The following CUL3 variants were observed in gnomAD, a reference collection of about 807,000 sequenced individuals.
CUL3 encodes cullin 3.
In CUL3, 19 loss-of-function variants were observed where a neutral mutation model predicts 89.1. The observed-to-expected ratio is 0.21, with a 90% CI of 0.15 to 0.31. The LOEUF is 0.31. Ranked by LOEUF, CUL3 falls within the 10% of genes least tolerant of loss-of-function variation. CUL3 has a pLI of 1.00. For missense variants in CUL3, 469 were observed against 942.3 expected (o/e 0.50, Z 6.58); for synonymous variants, 351 against 308.4 (o/e 1.14, Z -1.45).
rs1691221242 is a variant in CUL3, at chr2:224,473,948, A to G, written c.*297T>C. On this transcript the variant is annotated 3_prime_UTR_variant, in exon 16 of 16. Transcript: ENST00000264414. The stretch of plus-strand genomic sequence containing the variant: ...TTTATTGTAATGAGCTGTATTTTCT[A>G]AATTTCTCTTTTATTTTCCTGTTTT... 1 of 255,228 alleles carries G rather than the reference A, an allele frequency of 3.9e-6. No individual in the cohort carries two copies. The highest frequency in any genetic ancestry group is 2.2e-5 in the African/African-American group (1 of 45,904). 15.8% of individuals were successfully genotyped at this position (255,228 alleles called of 1,614,324 possible).
chr2:224,553,308 T>C (rs1490873100), intron 2 of CUL3, among the ~76,000 whole-genome samples: 2 of 152,190 alleles, frequency 1.3e-5, no homozygotes, highest in East Asian at 3.8e-4. Context: ...CATGCTGAAA[T>C]TGCTACATTT....
intron 3 of CUL3, among the ~76,000 whole-genome samples, chr2:224,531,988 A>G (rs768578139): frequency 1.3e-5 from 2 of 152,194 alleles, no homozygotes; most frequent in Non-Finnish European, 2.9e-5. Flanking sequence ...AAAACTGGAG[A>G]GTCTAGCAAC....
chr2:224,504,347 C>T (rs1016252374), intron 8 of CUL3: 1 of 152,084 alleles, frequency 6.6e-6, no homozygotes, highest in African/African-American at 2.4e-5. Flanking sequence ...GAGTTTCACT[C>T]GTTGCCCAGG....
At chr2:224,491,162 TA>T (rs1050440087) in intron 13 of CUL3, among the ~76,000 whole-genome samples, 16 of 152,176 alleles carry the variant, frequency 1.1e-4, no homozygotes, top group African/African-American at 3.6e-4. Flanking sequence ...GAGTTTTATT[TA>T]AAAATATATA....
At chr2:224,527,772 C>T (rs747349633) in intron 3 of CUL3, among the ~76,000 whole-genome samples, 3 of 152,112 alleles carry the variant, frequency 2.0e-5, no homozygotes, top group Non-Finnish European at 4.4e-5. Context: ...ATCCCAAATA[C>T]GTAATACTTC....
chr2:224,557,591 T>A (rs2106303632), intron 2 of CUL3, 68 bp downstream of exon 2: 1 of 1,104,040 alleles, frequency 9.1e-7, no homozygotes, highest in Non-Finnish European at 1.3e-6. Context: ...CCGGTCAAAG[T>A]GCAATATGGT....
chr2:224,502,144 A>G (rs1692416732), intron 10 of CUL3, among the ~76,000 whole-genome samples: 1 of 152,206 alleles, frequency 6.6e-6, no homozygotes, highest in Non-Finnish European at 1.5e-5. Flanking sequence ...CTACAGAATT[A>G]CGTATTTTCA....
At chr2:224,475,120 C>A (rs533499392) in intron 15 of CUL3, among the ~76,000 whole-genome samples, 61 of 152,258 alleles carry the variant, frequency 4.0e-4, no homozygotes, top group Admixed American at 5.9e-4. Context: ...CAGGTTCCCA[C>A]CATTCTCCTG....
At chr2:224,498,768 A>G (rs1692265857) in intron 11 of CUL3, among the ~76,000 whole-genome samples, 1 of 152,256 alleles carries the variant, frequency 6.6e-6, no homozygotes. Flanking sequence ...TGGAGACAGT[A>G]TACAAGATTA....
intron 13 of CUL3, among the ~76,000 whole-genome samples, chr2:224,482,891 GCTAT>G (rs1352458018): frequency 6.6e-6 from 1 of 152,154 alleles, no homozygotes; most frequent in African/African-American, 2.4e-5. Context: ...ACTGTATACA[GCTAT>G]CTGTCTCTTT....
At chr2:224,526,359 G>A (rs1263412971) in intron 3 of CUL3, among the ~76,000 whole-genome samples, 2 of 152,030 alleles carry the variant, frequency 1.3e-5, no homozygotes, top group Non-Finnish European at 2.9e-5. Context: ...GCCAAGGCAG[G>A]TGGATCACCT....
intron 5 of CUL3, 142 bp from the exon 6 acceptor site, chr2:224,511,724 GAA>G: frequency 1.8e-6 from 1 of 555,444 alleles, no homozygotes; most frequent in Non-Finnish European, 3.1e-6. Context: ...CTCATTACAC[GAA>G]AGACTGATAT....
chr2:224,543,930 A>C (rs1694203958), intron 2 of CUL3, among the ~76,000 whole-genome samples: 1 of 152,106 alleles, frequency 6.6e-6, no homozygotes, highest in Non-Finnish European at 1.5e-5. Context: ...AGCTGCAGTG[A>C]GCCGAGATCA....
chr2:224,475,933 G>C lies in CUL3; in HGVS notation c.2176-1557C>G, dbSNP rs148631979. Among the ~76,000 whole-genome samples, 995 of 152,278 alleles carry C rather than the reference G, an allele frequency of 6.5e-3. 11 individuals carry two copies. Among genetic ancestry groups the C allele is most frequent in the African/African-American group, 0.022 (912 of 41,558 alleles). On this transcript the variant is annotated intron_variant, in intron 15 of 15. Transcript: ENST00000264414. ...TTAACACCGTATGTGTACACCAGGAGTCAGCAAACTGCAGTCACAGGCCAA... is the reference window on the plus strand; with the variant it reads ...TTAACACCGTATGTGTACACCAGGACTCAGCAAACTGCAGTCACAGGCCAA...
chr2:224,555,997 T>A (rs1326006142), intron 2 of CUL3, among the ~76,000 whole-genome samples: 1 of 152,180 alleles, frequency 6.6e-6, no homozygotes, highest in Non-Finnish European at 1.5e-5. Context: ...GACTGAAAGC[T>A]GTGCATAATA....
chr2:224,530,927 C>CA (rs1693675577), intron 3 of CUL3, among the ~76,000 whole-genome samples: 1 of 144,004 alleles, frequency 6.9e-6, no homozygotes, highest in East Asian at 2.0e-4. Context: ...ACCAAACAAA[C>CA]AAAAAAACCC....
At chr2:224,567,491 G>A (rs751238224) in intron 1 of CUL3, among the ~76,000 whole-genome samples, 41 of 152,140 alleles carry the variant, frequency 2.7e-4, no homozygotes, top group Non-Finnish European at 5.7e-4. Context: ...TGTAATCCCA[G>A]CACCTTGGGA....
At chr2:224,561,964 C>T (rs1444673350) in intron 1 of CUL3, among the ~76,000 whole-genome samples, 1 of 152,162 alleles carries the variant, frequency 6.6e-6, no homozygotes, top group Admixed American at 6.5e-5. Flanking sequence ...CAACTATAAG[C>T]CTCAAAGATA....
At chr2:224,555,596 T>C (rs951552613) in intron 2 of CUL3, among the ~76,000 whole-genome samples, 1 of 152,170 alleles carries the variant, frequency 6.6e-6, no homozygotes, top group African/African-American at 2.4e-5. Context: ...TCCCAAACCA[T>C]CTTTGTAACA....
Sources: gnomAD v4.1 joint callset for allele counts (sites outside exome capture counted in the v4.1 genomes callset) on GRCh38, gnomAD v4.1.1 for gene constraint, MANE v1.5 for transcripts, NCBI Gene and HGNC (gene_info 2026-07-23, HGNC 2026-07-21) for gene names.